TSPAN13: variants seen among roughly 807,000 people sequenced by gnomAD.
TSPAN13 encodes the protein tetraspanin 13.
In TSPAN13, 18 loss-of-function variants were observed where a neutral mutation model predicts 26.9. That is an observed-to-expected ratio of 0.67 (90% CI 0.46 to 0.99). The LOEUF (loss-of-function observed/expected upper bound fraction) is 0.99. Among genes scored for constraint, TSPAN13 ranks in the 50% least tolerant of loss-of-function variants. The pLI is 0.00. For missense variants in TSPAN13, 201 were observed against 249.6 expected (o/e 0.81, Z 1.31); for synonymous variants, 116 against 98.4 (o/e 1.18, Z -1.06).
chr7:16,767,242 A>G (rs1784614419), intron 1 of TSPAN13, among the ~76,000 whole-genome samples: 1 of 152,202 alleles, frequency 6.6e-6, no homozygotes. Flanking sequence ...AATGTGTATG[A>G]CAATGTCATA....
chr7:16,769,202 T>C (rs1343563439), intron 1 of TSPAN13, among the ~76,000 whole-genome samples: 1 of 152,180 alleles, frequency 6.6e-6, no homozygotes, highest in South Asian at 2.1e-4. Flanking sequence ...TATTTAATTT[T>C]ACTTTAAAAA....
chr7:16,777,474 G>A (rs144642787), intron 3 of TSPAN13, among the ~76,000 whole-genome samples: 12 of 152,224 alleles, frequency 7.9e-5, no homozygotes, highest in East Asian at 3.9e-4. Flanking sequence ...GCTCTAATTC[G>A]TAGACAAATC....
At chr7:16,764,675 A>G (rs1252357184) in intron 1 of TSPAN13, among the ~76,000 whole-genome samples, 1 of 152,150 alleles carries the variant, frequency 6.6e-6, no homozygotes, top group East Asian at 1.9e-4. Context: ...AATTAAAGAG[A>G]TGCTATTCAC....
intron 5 of TSPAN13, among the ~76,000 whole-genome samples, chr7:16,782,870 G>A (rs933782431): frequency 3.9e-5 from 6 of 152,230 alleles, no homozygotes; most frequent in African/African-American, 1.4e-4. Context: ...CAAACTTATT[G>A]TCTTACAGTT....
intron 1 of TSPAN13, among the ~76,000 whole-genome samples, chr7:16,771,545 T>C (rs1784679873): frequency 6.6e-6 from 1 of 152,106 alleles, no homozygotes; most frequent in Admixed American, 6.5e-5. Context: ...CAAAAAATGA[T>C]GTGCATATTT....
At chr7:16,778,465 G>A (rs1784777893) in intron 4 of TSPAN13, among the ~76,000 whole-genome samples, 1 of 152,208 alleles carries the variant, frequency 6.6e-6, no homozygotes, top group African/African-American at 2.4e-5. Context: ...TGCTCACCTG[G>A]CTGAAATCAA....
At chr7:16,772,979 G>C (rs1757537464) in intron 1 of TSPAN13, among the ~76,000 whole-genome samples, 1 of 151,986 alleles carries the variant, frequency 6.6e-6, no homozygotes, top group African/African-American at 2.4e-5. Context: ...CCGGGTGAGA[G>C]AGCAAAACTC....
chr7:16,763,407 A>G (rs1183336334), intron 1 of TSPAN13, among the ~76,000 whole-genome samples: 1 of 152,196 alleles, frequency 6.6e-6, no homozygotes, highest in Non-Finnish European at 1.5e-5. Context: ...TCTTGAAGCA[A>G]TGTGTTGGCT....
rs115240760 is a variant in TSPAN13, at chr7:16,776,292, G to T, written c.145G>T (p.Val49Phe). The T allele has an allele frequency of 5.6e-5, 91 of 1,614,142 alleles. No homozygotes were observed. In the East Asian group the frequency reaches 1.9e-3, roughly 34 times the overall value. The change falls in exon 2 of 6, where the codon GTC (valine) becomes TTC (phenylalanine). Residue 49 changes from valine to phenylalanine, a missense_variant. Coordinates refer to ENST00000262067, the MANE Select transcript of TSPAN13 (RefSeq NM_014399.4). ...TTCCAGTCTCCGAGTGGTCGGCGTG[G>T]TCATTGCAGTGGGCATCTTCTTGTT... Reference protein sequence around the residue: ...LISSLRVVGVVIAVGIFLFLI... With the variant: ...LISSLRVVGVFIAVGIFLFLI...
rs373460234 is a variant in TSPAN13 at position 16,753,928 on chromosome 7, T to G, written c.-40T>G. 28 of 1,600,114 alleles carry G rather than the reference T, an allele frequency of 1.7e-5. No homozygotes were observed. The highest frequency in any genetic ancestry group is 1.6e-4 in the Middle Eastern group (1 of 6,064). The stretch of plus-strand genomic sequence containing the variant: ...AGCTGTCAGGGAACCTCCGCCGGAG[T>G]CGAATTTACGTGCAGCTGCCGGCAA... On this transcript the variant is annotated 5_prime_UTR_variant, in exon 1 of 6. Transcript: ENST00000262067.
intron 1 of TSPAN13, among the ~76,000 whole-genome samples, chr7:16,768,675 GT>G (rs1203903415): frequency 1.3e-5 from 2 of 152,168 alleles, no homozygotes; most frequent in Non-Finnish European, 2.9e-5. Context: ...TTAAAGTAGA[GT>G]TTATGGTTTG....
At chr7:16,765,872 G>A (rs543088249) in intron 1 of TSPAN13, among the ~76,000 whole-genome samples, 6 of 152,166 alleles carry the variant, frequency 3.9e-5, no homozygotes, top group Non-Finnish European at 5.9e-5. Context: ...GCAAGTTCTA[G>A]TGACAAACCT....
chr7:16,763,092 G>T (rs1784564922), intron 1 of TSPAN13, among the ~76,000 whole-genome samples: 2 of 152,092 alleles, frequency 1.3e-5, no homozygotes, highest in Admixed American at 1.3e-4. Flanking sequence ...ACTTACATTG[G>T]TGTTAAATTT....
chr7:16,768,038 G>C (rs890702948), intron 1 of TSPAN13, among the ~76,000 whole-genome samples: 48 of 151,980 alleles, frequency 3.2e-4, no homozygotes, highest in African/African-American at 1.1e-3. Flanking sequence ...TCAGCCTCCC[G>C]AGTAGCTGGG....
At position 16,784,258 on chromosome 7, in the gene TSPAN13, C is replaced by G. The variant is rs764521960; in HGVS notation, c.*767C>G. The G allele has an allele frequency of 2.6e-5, 4 of 152,298 alleles. No homozygotes were observed. Among genetic ancestry groups the G allele is most frequent in the Non-Finnish European group, 5.9e-5 (4 of 68,024 alleles). 9.4% of individuals were successfully genotyped at this position (152,298 alleles called of 1,614,324 possible). A position where few individuals can be genotyped will look rare whatever the true frequency, so the allele number is the denominator to read the frequency against. ...TTATAATAATTTGAAGTCTAAAAGA[C>G]TGCATTTTTAAACAAGTTAGTATTA... is the stretch of plus-strand genomic sequence containing the variant. On this transcript the variant is annotated 3_prime_UTR_variant, in exon 6 of 6. Transcript: ENST00000262067.
At chr7:16,767,194 T>G (rs898854886) in intron 1 of TSPAN13, among the ~76,000 whole-genome samples, 3 of 152,218 alleles carry the variant, frequency 2.0e-5, no homozygotes, top group African/African-American at 7.2e-5. Context: ...CTCTCAAAGG[T>G]AGTCACTGTT....
chr7:16,771,745 C>T (rs988991449), intron 1 of TSPAN13, among the ~76,000 whole-genome samples: 2 of 152,308 alleles, frequency 1.3e-5, no homozygotes, highest in South Asian at 4.1e-4. Context: ...TATTTTAAGC[C>T]ACTACACTTG....
At chr7:16,761,663 G>A (rs1334632869) in intron 1 of TSPAN13, among the ~76,000 whole-genome samples, 1 of 149,436 alleles carries the variant, frequency 6.7e-6, no homozygotes, top group African/African-American at 2.5e-5. Flanking sequence ...AGAACTACAA[G>A]CATACTCCAC....
Position 16,767,438 on chromosome 7 carries a change from G to C in TSPAN13, c.64-8773G>C, listed in dbSNP as rs149685138. ...TGTATTCTATTGTGTGATCACACCA[G>C]AGTCTGTGAATTCCCTAGTCGTGAT... On this transcript the variant is annotated intron_variant, in intron 1 of 5. Transcript: ENST00000262067. 3.4e-3 allele frequency among the ~76,000 whole-genome samples: 519 copies of C among 152,222 alleles called. 4 individuals are homozygous for C. The highest frequency in any genetic ancestry group is 0.012 in the African/African-American group (492 of 41,530).
Sources: allele counts gnomAD v4.1 joint callset (sites outside exome capture counted in the v4.1 genomes callset), GRCh38; gene constraint gnomAD v4.1.1; transcripts MANE v1.5; gene names NCBI Gene and HGNC (gene_info 2026-07-23, HGNC 2026-07-21).